The following CMBL variants were observed in gnomAD, a reference collection of about 807,000 sequenced individuals.
CMBL encodes carboxymethylenebutenolidase homolog.
CMBL carries 17 observed loss-of-function variants against 28.7 expected under a neutral mutation model. The observed-to-expected ratio is 0.59, with a 90% CI of 0.41 to 0.89. CMBL has a LOEUF of 0.89. Ranked by LOEUF, CMBL falls within the 40% of genes least tolerant of loss-of-function variation. CMBL has a pLI of 0.00. For missense variants in CMBL, 310 were observed against 298.5 expected, an observed-to-expected ratio of 1.04 and a Z score of -0.28; for synonymous variants, 106 against 101.6, an observed-to-expected ratio of 1.04 and a Z score of -0.26.
chr5:10,301,729 G>A (rs1430290096), intron 1 of CMBL, among the ~76,000 whole-genome samples: 3 of 150,456 alleles, frequency 2.0e-5, no homozygotes, highest in South Asian at 2.1e-4. Flanking sequence ...AGCCTCCCAA[G>A]TAGCTGGGAC....
At chr5:10,283,789 C>T (rs1746547457) in intron 4 of CMBL, among the ~76,000 whole-genome samples, 1 of 152,174 alleles carries the variant, frequency 6.6e-6, no homozygotes, top group South Asian at 2.1e-4. Context: ...TAGTTTTCAT[C>T]TTTCATCTCA....
chr5:10,299,174 G>A (rs1049545150), intron 1 of CMBL, among the ~76,000 whole-genome samples: 4 of 151,970 alleles, frequency 2.6e-5, no homozygotes, highest in African/African-American at 7.3e-5. Flanking sequence ...ATTATTTTAG[G>A]AACAGAGGAC....
In CMBL at chr5:10,278,748, G is replaced by T. The variant is rs538544735; in HGVS notation, c.*1705C>A. On this transcript the variant is annotated 3_prime_UTR_variant, in exon 6 of 6. Transcript: ENST00000296658. ...TCTACCCCATCCTAACTTCTTTCCC[G>T]GTCAGGGCTCTCCGGGAGAGTGGCT... Among the ~76,000 whole-genome samples the T allele has an allele frequency of 7.2e-5, 11 of 152,088 alleles. No individual in the cohort carries two copies. In the South Asian group the frequency reaches 2.3e-3, roughly 32 times the overall value.
In CMBL at chr5:10,279,886, C is replaced by T. The variant is rs1022892630; in HGVS notation, c.*567G>A. On this transcript the variant is annotated 3_prime_UTR_variant, in exon 6 of 6. Coordinates refer to ENST00000296658, the MANE Select transcript of CMBL (RefSeq NM_138809.4). The stretch of plus-strand genomic sequence containing the variant: ...AGGGTATTACTCTATCATTCTCTAT[C>T]ATTCAAATTCTCCAGGTACTGACCT... The T allele has an allele frequency of 2.6e-5, 4 of 151,974 alleles. No homozygotes were observed. Among genetic ancestry groups the T allele is most frequent in the African/African-American group, 4.8e-5 (2 of 41,358 alleles). 9.4% of individuals were successfully genotyped at this position (151,974 alleles called of 1,614,324 possible). A position where few individuals can be genotyped will look rare whatever the true frequency, so the allele number is the denominator to read the frequency against.
intron 1 of CMBL, among the ~76,000 whole-genome samples, chr5:10,294,489 G>T (rs1470960738): frequency 6.6e-6 from 1 of 152,082 alleles, no homozygotes; most frequent in Non-Finnish European, 1.5e-5. Context: ...CCTTGAGCCT[G>T]GGAGGTCGAG....
intron 1 of CMBL, among the ~76,000 whole-genome samples, chr5:10,292,618 C>T (rs1746744408): frequency 6.6e-6 from 1 of 151,936 alleles, no homozygotes; most frequent in Non-Finnish European, 1.5e-5. Context: ...AGTTCAGGAG[C>T]TCAAGACCAG....
intron 1 of CMBL, among the ~76,000 whole-genome samples, chr5:10,291,042 G>T (rs1055535841): frequency 2.0e-5 from 3 of 152,086 alleles, no homozygotes; most frequent in East Asian, 1.9e-4. Context: ...ACTCTTCAGG[G>T]GGCAGGATCG....
chr5:10,294,461 G>A (rs1746776445), intron 1 of CMBL, among the ~76,000 whole-genome samples: 1 of 152,142 alleles, frequency 6.6e-6, no homozygotes, highest in African/African-American at 2.4e-5. Flanking sequence ...CTACTCAGGA[G>A]GCTGAGGTAG....
chr5:10,296,422 A>T (rs1746810841), intron 1 of CMBL, among the ~76,000 whole-genome samples: 1 of 152,226 alleles, frequency 6.6e-6, no homozygotes. Flanking sequence ...CTGGTACTAC[A>T]GGCGAGCACC....
At chr5:10,294,148 G>A (rs1430713114) in intron 1 of CMBL, among the ~76,000 whole-genome samples, 1 of 152,232 alleles carries the variant, frequency 6.6e-6, no homozygotes, top group Non-Finnish European at 1.5e-5. Flanking sequence ...GCAACAGAAA[G>A]AGCAAGGGGA....
In CMBL at chr5:10,288,479, C is replaced by T; in HGVS notation, c.266G>A (p.Gly89Asp). The stretch of plus-strand genomic sequence containing the variant: ...CCACTCAGGGAAGATAGACCAGTCG[C>T]CAGAGGGGTCCCAAGGCTCTTGCCC... ...FVGQEPWDPS[G>D]DWSIFPEWLK... The change falls in exon 3 of 6, where the codon GGC becomes GAC. Residue 89 changes from glycine (G) to aspartate (D), a missense_variant. Transcript: ENST00000296658. 1 of 1,614,118 alleles carries T rather than the reference C, an allele frequency of 6.2e-7. No homozygotes were observed. The highest frequency in any genetic ancestry group is 8.5e-7 in the Non-Finnish European group (1 of 1,179,994).
At chr5:10,296,873 T>TC (rs1318640132) in intron 1 of CMBL, among the ~76,000 whole-genome samples, 1 of 152,092 alleles carries the variant, frequency 6.6e-6, no homozygotes, top group Non-Finnish European at 1.5e-5. Flanking sequence ...GACAGCATAA[T>TC]CATAGTGGGC....
intron 1 of CMBL, among the ~76,000 whole-genome samples, chr5:10,296,542 G>C (rs778944928): frequency 1.3e-5 from 2 of 152,096 alleles, no homozygotes; most frequent in African/African-American, 4.8e-5. Flanking sequence ...GGGCCTGTAG[G>C]TGATATTTAA....
At chr5:10,285,701 T>TTTC (rs1340312424) in intron 4 of CMBL, among the ~76,000 whole-genome samples, 1 of 24,434 alleles carries the variant, frequency 4.1e-5, no homozygotes, top group African/African-American at 8.1e-5. Context: ...TTTCTTTTTC[T>TTTC]TTTTTTTTTT....
intron 4 of CMBL, among the ~76,000 whole-genome samples, chr5:10,285,218 G>C (rs923461983): frequency 2.0e-5 from 3 of 152,234 alleles, no homozygotes; most frequent in Middle Eastern, 3.4e-3. Flanking sequence ...GCCTGGGTTG[G>C]AGTGCAGTGG....
chr5:10,297,676 G>A (rs547510934), intron 1 of CMBL, among the ~76,000 whole-genome samples: 4 of 151,742 alleles, frequency 2.6e-5, no homozygotes, highest in Admixed American at 6.6e-5. Flanking sequence ...CTATTTGTAC[G>A]TGGATGAGAA....
chr5:10,288,620 G>A (rs746517334), intron 2 of CMBL, 91 bp from the exon 3 acceptor site: 34 of 983,414 alleles, frequency 3.5e-5, no homozygotes, highest in Non-Finnish European at 4.9e-5. Flanking sequence ...CTACGTTGGC[G>A]ATTCTGGCTC....
At chr5:10,290,841 G>GT (rs1239518483) in intron 1 of CMBL, 60 bp from the exon 2 acceptor site, 2 of 1,269,532 alleles carry the variant, frequency 1.6e-6, no homozygotes, top group African/African-American at 3.0e-5. Context: ...GCTATAAATG[G>GT]TAAGTAAACC....
chr5:10,286,149 A>G, intron 4 of CMBL: 1 of 499,356 alleles, frequency 2.0e-6, no homozygotes, highest in South Asian at 4.1e-5. Context: ...TGGGACCCAG[A>G]CCTCTTGACT....
Sources: allele counts gnomAD v4.1 joint callset (sites outside exome capture counted in the v4.1 genomes callset), GRCh38; gene constraint gnomAD v4.1.1; transcripts MANE v1.5; gene names NCBI Gene and HGNC (gene_info 2026-07-23, HGNC 2026-07-21).